SOX6: variants seen among roughly 807,000 people sequenced by gnomAD.
SOX6 encodes transcription factor SOX-6.
SOX6 carries 11 observed loss-of-function variants against 97.8 expected under a neutral mutation model. The ratio of observed to expected loss-of-function variants is 0.11; its 90% CI spans 0.07 to 0.19. The LOEUF is 0.19. Among genes scored for constraint, SOX6 ranks in the 10% least tolerant of loss-of-function variants. SOX6 has a pLI of 1.00. For missense variants in SOX6, 810 were observed against 1,039.5 expected, an observed-to-expected ratio of 0.78 and a Z score of 3.04; for synonymous variants, 360 against 371.4, an observed-to-expected ratio of 0.97 and a Z score of 0.35.
intron 3 of SOX6, among the ~76,000 whole-genome samples, chr11:16,622,854 T>C (rs190746659): frequency 3.4e-4 from 52 of 152,330 alleles, no homozygotes; most frequent in Admixed American, 1.8e-3. Context: ...CTGTTTTTCA[T>C]AGTGGTTGTA....
At chr11:16,438,816 C>T (rs541449343) in intron 1 of SOX6, among the ~76,000 whole-genome samples, 167 of 150,016 alleles carry the variant, frequency 1.1e-3, no homozygotes, top group African/African-American at 4.0e-3. Context: ...CTTTATAGTC[C>T]CTAGGTCTAA....
intron 1 of SOX6, among the ~76,000 whole-genome samples, chr11:16,424,386 G>A (rs1029564376): frequency 5.3e-5 from 8 of 152,154 alleles, no homozygotes; most frequent in Non-Finnish European, 8.8e-5. Context: ...AGGTTAGCAA[G>A]ACAAATGGTA....
chr11:16,029,594 C>A (rs1331029713), intron 12 of SOX6, among the ~76,000 whole-genome samples: 6 of 151,842 alleles, frequency 4.0e-5, no homozygotes, highest in Admixed American at 1.3e-4. Flanking sequence ...AGAGATCGAA[C>A]CACTGAACTC....
At chr11:16,441,228 T>A (rs1373441732) in intron 1 of SOX6, among the ~76,000 whole-genome samples, 1 of 152,130 alleles carries the variant, frequency 6.6e-6, no homozygotes. Context: ...TACCATCTAC[T>A]CTGAAATCAG....
At chr11:16,434,285 G>A (rs1193223515) in intron 1 of SOX6, 1 of 151,856 alleles carries the variant, frequency 6.6e-6, no homozygotes, top group Non-Finnish European at 1.5e-5. Context: ...CCATACTTTT[G>A]CTCATGTTTT....
rs116200470 is a variant in SOX6 at position 16,633,906 on chromosome 11, C to T, written n.430-21646G>A. 3.1e-3 allele frequency among the ~76,000 whole-genome samples: 474 copies of T among 152,276 alleles called. 4 individuals are homozygous for T. Among genetic ancestry groups the T allele is most frequent in the African/African-American group, 0.011 (447 of 41,552 alleles). On this transcript the variant is annotated intron_variant and non_coding_transcript_variant, in intron 3 of 5. Coordinates refer to the SOX6 transcript ENST00000524520. The stretch of plus-strand genomic sequence containing the variant: ...CCTTATAAAATAAAAACATCAGCTT[C>T]ATTTGTAGGACTATAAAATAATCTA...
chr11:16,466,041 T>C (rs1590214052), intron 1 of SOX6, among the ~76,000 whole-genome samples: 2 of 152,342 alleles, frequency 1.3e-5, no homozygotes, highest in Admixed American at 1.3e-4. Context: ...ACATTAAGAA[T>C]ATTCTCTTTT....
At chr11:16,676,281 A>G (rs1488033377) in intron 3 of SOX6, among the ~76,000 whole-genome samples, 1 of 152,186 alleles carries the variant, frequency 6.6e-6, no homozygotes, top group East Asian at 1.9e-4. Context: ...CTTTGCTGAT[A>G]TTCACTATTT....
chr11:16,122,431 A>T (rs1236466950), intron 6 of SOX6, among the ~76,000 whole-genome samples: 1 of 152,046 alleles, frequency 6.6e-6, no homozygotes, highest in Non-Finnish European at 1.5e-5. Flanking sequence ...TGTTTTGCCA[A>T]GATAAAAATT....
chr11:16,399,279 G>C (rs1303301956), intron 1 of SOX6, among the ~76,000 whole-genome samples: 1 of 151,292 alleles, frequency 6.6e-6, no homozygotes, highest in Non-Finnish European at 1.5e-5. Context: ...AATTGCTACT[G>C]TATAAAAGAT....
intron 2 of SOX6, among the ~76,000 whole-genome samples, chr11:16,322,917 C>G (rs1370311019): frequency 6.6e-6 from 1 of 152,106 alleles, no homozygotes; most frequent in African/African-American, 2.4e-5. Context: ...TATTTCTCTT[C>G]TTTTGATTTT....
At chr11:16,010,511 G>A (rs1458264112) in intron 13 of SOX6, among the ~76,000 whole-genome samples, 1 of 151,942 alleles carries the variant, frequency 6.6e-6, no homozygotes, top group Non-Finnish European at 1.5e-5. Flanking sequence ...TGTGAAAATT[G>A]TTTTAAAGGT....
At chr11:16,132,287 G>GA in intron 6 of SOX6, among the ~76,000 whole-genome samples, 1 of 72,622 alleles carries the variant, frequency 1.4e-5, no homozygotes, top group African/African-American at 4.8e-5. Context: ...AGGAAGGAAG[G>GA]AAGGAAGGAA....
chr11:16,441,297 CCAT>C (rs1271800462), intron 1 of SOX6, among the ~76,000 whole-genome samples: 1 of 152,122 alleles, frequency 6.6e-6, no homozygotes, highest in Non-Finnish European at 1.5e-5. Context: ...AATATTAATG[CCAT>C]TATTGATGCC....
chr11:16,420,492 A>G (rs1377269614), intron 1 of SOX6, among the ~76,000 whole-genome samples: 1 of 152,150 alleles, frequency 6.6e-6, no homozygotes, highest in African/African-American at 2.4e-5. Flanking sequence ...TGGCAAAGGG[A>G]TATGTTCAAT....
upstream of SOX6, among the ~76,000 whole-genome samples, chr11:16,357,477 G>C (rs143195736): frequency 6.6e-6 from 1 of 152,074 alleles, no homozygotes; most frequent in East Asian, 1.9e-4. Flanking sequence ...AACCAACTGA[G>C]TTTTGGGCAT....
chr11:16,161,340 T>C (rs1021751115), intron 6 of SOX6, among the ~76,000 whole-genome samples: 1 of 150,954 alleles, frequency 6.6e-6, no homozygotes, highest in African/African-American at 2.4e-5. Flanking sequence ...ATATCAGATA[T>C]ATATGTCTTA....
At chr11:16,525,194 A>G (rs1861137086) in intron 4 of SOX6, among the ~76,000 whole-genome samples, 2 of 152,220 alleles carry the variant, frequency 1.3e-5, no homozygotes, top group African/African-American at 4.8e-5. Flanking sequence ...AGCCAAAAGA[A>G]CAAAGATGGA....
chr11:16,402,808 T>C (rs1221550488), intron 1 of SOX6: 2 of 1,570,468 alleles, frequency 1.3e-6, no homozygotes, highest in Admixed American at 1.9e-5. Flanking sequence ...ACCTTTCATG[T>C]CCTTGAAGCT....
Sources: allele counts gnomAD v4.1 joint callset (sites outside exome capture counted in the v4.1 genomes callset), GRCh38; gene constraint gnomAD v4.1.1; transcripts MANE v1.5; gene names NCBI Gene and HGNC (gene_info 2026-07-23, HGNC 2026-07-21).